The following ELK3 variants were observed in gnomAD, a reference collection of about 807,000 sequenced individuals.
ELK3 encodes ETS transcription factor ELK3, also known as ETS domain-containing protein Elk-3.
In ELK3, 10 loss-of-function variants were observed where a neutral mutation model predicts 28.9. The observed-to-expected ratio is 0.35, with a 90% CI of 0.21 to 0.59. ELK3 has a LOEUF of 0.59. ELK3 is among the 20% of genes least tolerant of loss of function. The probability of loss-of-function intolerance (pLI) is 0.82; values close to 1 mark genes in which losing one functional copy is unlikely to be tolerated. For missense variants in ELK3, 463 were observed against 517.3 expected, an observed-to-expected ratio of 0.90 and a Z score of 1.02; for synonymous variants, 272 against 243.5, an observed-to-expected ratio of 1.12 and a Z score of -1.09.
At chr12:96,200,423 G>C (rs1022709593) in intron 1 of ELK3, among the ~76,000 whole-genome samples, 1 of 151,860 alleles carries the variant, frequency 6.6e-6, no homozygotes, top group African/African-American at 2.4e-5. Context: ...ATTAAAATGC[G>C]CAGATCTTAA....
chr12:96,262,396 T>G (rs1951999753), intron 4 of ELK3, among the ~76,000 whole-genome samples: 1 of 152,212 alleles, frequency 6.6e-6, no homozygotes, highest in Non-Finnish European at 1.5e-5. Context: ...GACCAGAGGT[T>G]CCTAGTTTAT....
intron 2 of ELK3, among the ~76,000 whole-genome samples, chr12:96,224,280 G>T (rs1951683563): frequency 6.6e-6 from 1 of 152,048 alleles, no homozygotes; most frequent in Non-Finnish European, 1.5e-5. Flanking sequence ...TCAGGATTGT[G>T]GTGATGACCG....
chr12:96,196,436 G>A (rs1161517601), intron 1 of ELK3, among the ~76,000 whole-genome samples: 1 of 151,816 alleles, frequency 6.6e-6, no homozygotes, highest in Non-Finnish European at 1.5e-5. Flanking sequence ...GGGGTGTGGA[G>A]CATGTTCCAG....
chr12:96,197,197 C>T (rs892435866), intron 1 of ELK3, among the ~76,000 whole-genome samples: 2 of 152,094 alleles, frequency 1.3e-5, no homozygotes, highest in Admixed American at 6.5e-5. Flanking sequence ...ATTTGGGACA[C>T]ATAGGTTCAT....
chr12:96,260,193 C>T (rs1592692669), intron 4 of ELK3, among the ~76,000 whole-genome samples: 2 of 152,136 alleles, frequency 1.3e-5, no homozygotes, highest in East Asian at 3.8e-4. Flanking sequence ...CCTGTAATCC[C>T]AGCACTTTGG....
chr12:96,253,280 T>TA (rs1018898601), intron 3 of ELK3, among the ~76,000 whole-genome samples: 19 of 152,094 alleles, frequency 1.2e-4, no homozygotes, highest in Admixed American at 9.8e-4. Context: ...AATAAATAAA[T>TA]AAATAAAAGA....
At chr12:96,233,532 G>A (rs1056934167) in intron 2 of ELK3, among the ~76,000 whole-genome samples, 1 of 152,144 alleles carries the variant, frequency 6.6e-6, no homozygotes, top group Non-Finnish European at 1.5e-5. Flanking sequence ...ACCTATTCCT[G>A]GAATTAGAAC....
Position 96,246,792 on chromosome 12 carries a change from C to T in ELK3, c.208-148C>T, listed in dbSNP as rs536251772. The stretch of plus-strand genomic sequence containing the variant: ...AATGCACATCTAATTCTACTTCCAA[C>T]TTCATTCCTCCTTCCACTTTTCCTT... On this transcript the variant is annotated intron_variant, in intron 2 of 4. Transcript: ENST00000228741. The T allele has an allele frequency of 7.5e-6, 6 of 803,302 alleles. No homozygotes were observed. In the Admixed American group the frequency reaches 1.5e-4, roughly 20 times the overall value. 49.8% of individuals were successfully genotyped at this position (803,302 alleles called of 1,614,324 possible).
chr12:96,264,893 CA>C (rs1952018500), intron 4 of ELK3, among the ~76,000 whole-genome samples: 1 of 152,196 alleles, frequency 6.6e-6, no homozygotes, highest in Non-Finnish European at 1.5e-5. Context: ...TTAATACTCC[CA>C]GTAATTCTAT....
chr12:96,199,563 CTT>C (rs925183588), intron 1 of ELK3, among the ~76,000 whole-genome samples: 1 of 151,652 alleles, frequency 6.6e-6, no homozygotes, highest in Non-Finnish European at 1.5e-5. Flanking sequence ...ATTACTCAGT[CTT>C]TTAAATAACT....
chr12:96,226,791 A>C (rs1951705156), intron 2 of ELK3, among the ~76,000 whole-genome samples: 1 of 152,214 alleles, frequency 6.6e-6, no homozygotes. Flanking sequence ...CTCTTAATAC[A>C]GTTTAAAAAG....
intron 1 of ELK3, among the ~76,000 whole-genome samples, chr12:96,205,099 T>A (rs1009077584): frequency 1.3e-5 from 2 of 152,260 alleles, no homozygotes; most frequent in African/African-American, 4.8e-5. Context: ...ATTGAAGCCC[T>A]GGTTCTGTGA....
chr12:96,253,105 A>G (rs1329992734), intron 3 of ELK3, among the ~76,000 whole-genome samples: 1 of 152,188 alleles, frequency 6.6e-6, no homozygotes, highest in Non-Finnish European at 1.5e-5. Context: ...TACTAAAAGT[A>G]CAAAAATTAG....
At chr12:96,244,091 A>G (rs1370161507) in intron 2 of ELK3, among the ~76,000 whole-genome samples, 1 of 152,152 alleles carries the variant, frequency 6.6e-6, no homozygotes, top group Non-Finnish European at 1.5e-5. Context: ...ATTCCAAACA[A>G]TATTCCTTAT....
rs571492805 is a variant in ELK3, at chr12:96,268,158, A to G, written c.*978A>G. On this transcript the variant is annotated 3_prime_UTR_variant, in exon 5 of 5. Coordinates refer to ENST00000228741, the MANE Select transcript of ELK3 (RefSeq NM_005230.4). Reference sequence around the variant, plus strand: ...ATCTAATGCTTTAGAAGAAGCTCACAGAGTGGTGATGAACCCAAACAACAA... The same window carrying G: ...ATCTAATGCTTTAGAAGAAGCTCACGGAGTGGTGATGAACCCAAACAACAA... 7 of 152,240 alleles carry G rather than the reference A, an allele frequency of 4.6e-5. No homozygotes were observed. Among genetic ancestry groups the G allele is most frequent in the Admixed American group, 2.0e-4 (3 of 15,286 alleles). The allele number at this position is 152,240 out of a possible 1,614,324, so 9.4% of individuals were successfully genotyped here. A position where few individuals can be genotyped will look rare whatever the true frequency, so the allele number is the denominator to read the frequency against.
At chr12:96,241,409 A>G (rs1447659789) in intron 2 of ELK3, among the ~76,000 whole-genome samples, 1 of 149,296 alleles carries the variant, frequency 6.7e-6, no homozygotes, top group Admixed American at 6.8e-5. Context: ...TCCTCTTCAA[A>G]GGGCACAGTG....
At chr12:96,232,161 T>C (rs1951746184) in intron 2 of ELK3, among the ~76,000 whole-genome samples, 1 of 152,204 alleles carries the variant, frequency 6.6e-6, no homozygotes. Context: ...GTTTGACCTT[T>C]CAAGCACAGA....
At chr12:96,249,034 AGGATTTG>A (rs1951881286) in intron 3 of ELK3, among the ~76,000 whole-genome samples, 1 of 152,162 alleles carries the variant, frequency 6.6e-6, no homozygotes, top group Non-Finnish European at 1.5e-5. Flanking sequence ...CAGATTCTGG[AGGATTTG>A]GGATTTGGGA....
At chr12:96,242,699 C>T (rs1951830248) in intron 2 of ELK3, among the ~76,000 whole-genome samples, 1 of 152,196 alleles carries the variant, frequency 6.6e-6, no homozygotes, top group Admixed American at 6.5e-5. Flanking sequence ...TTACCAGCTC[C>T]CCTCGTCTAG....
Sources: gnomAD v4.1 joint callset for allele counts (sites outside exome capture counted in the v4.1 genomes callset) on GRCh38, gnomAD v4.1.1 for gene constraint, MANE v1.5 for transcripts, NCBI Gene and HGNC (gene_info 2026-07-23, HGNC 2026-07-21) for gene names.